The following DGKB variants were observed in gnomAD, a reference collection of about 807,000 sequenced individuals.
The protein encoded by DGKB is diacylglycerol kinase beta.
Under a neutral mutation model 114.3 loss-of-function variants are expected in DGKB, and 67 were observed. That is an observed-to-expected ratio of 0.59 (90% CI 0.48 to 0.72). The LOEUF is 0.72. DGKB is among the 30% of genes least tolerant of loss of function. The pLI is 0.00. For missense variants in DGKB, 907 were observed against 975.2 expected, an observed-to-expected ratio of 0.93 and a Z score of 0.93; for synonymous variants, 398 against 323.1, an observed-to-expected ratio of 1.23 and a Z score of -2.49.
chr7:14,464,952 T>C (rs1833608075), intron 21 of DGKB, among the ~76,000 whole-genome samples: 1 of 152,158 alleles, frequency 6.6e-6, no homozygotes, highest in Admixed American at 6.5e-5. Flanking sequence ...CTCTTGCCTT[T>C]AAGGGTGGCT....
Position 14,281,724 on chromosome 7 carries a change from A to T in DGKB, c.2122+56791T>A, listed in dbSNP as rs1301136298. ...TAAGAATCTCACTCAAAACCGCTCA[A>T]CTACATGGAAACTAAACAACCTGCT... On this transcript the variant is annotated intron_variant, in intron 23 of 25. Coordinates refer to ENST00000402815, the MANE Select transcript of DGKB (RefSeq NM_001350709.2). Among the ~76,000 whole-genome samples the T allele has an allele frequency of 5.3e-5, 8 of 152,242 alleles. No individual in the cohort carries two copies. In the South Asian group the frequency reaches 1.7e-3, roughly 32 times the overall value.
At chr7:14,689,510 C>T (rs760750180) in intron 9 of DGKB, among the ~76,000 whole-genome samples, 2 of 152,066 alleles carry the variant, frequency 1.3e-5, no homozygotes, top group Non-Finnish European at 2.9e-5. Flanking sequence ...CTCTATTAGG[C>T]CTGGGCAAAG....
intron 23 of DGKB, among the ~76,000 whole-genome samples, chr7:14,200,257 G>A (rs1181727850): frequency 6.6e-6 from 1 of 151,968 alleles, no homozygotes; most frequent in Non-Finnish European, 1.5e-5. Context: ...CCTATACTAT[G>A]AGGCAGCAAT....
chr7:14,318,318 G>A (rs1425409225), intron 23 of DGKB, among the ~76,000 whole-genome samples: 1 of 150,890 alleles, frequency 6.6e-6, no homozygotes, highest in Admixed American at 6.6e-5. Flanking sequence ...CTTCTGCACA[G>A]CAAAAGAAAC....
intron 13 of DGKB, among the ~76,000 whole-genome samples, chr7:14,665,970 T>A (rs998864016): frequency 1.6e-4 from 25 of 151,980 alleles, no homozygotes; most frequent in African/African-American, 5.8e-4. Flanking sequence ...ATTTCAAAAG[T>A]ATGGACTTAA....
At chr7:14,263,453 T>A (rs1797051619) in intron 23 of DGKB, among the ~76,000 whole-genome samples, 1 of 152,220 alleles carries the variant, frequency 6.6e-6, no homozygotes, top group Admixed American at 6.5e-5. Flanking sequence ...AGCCAACTTT[T>A]AGATTGCTAT....
chr7:14,936,378 C>T (rs17313043), intron 1 of DGKB, among the ~76,000 whole-genome samples: 3,563 of 152,204 alleles, frequency 0.023, 66 homozygotes, highest in South Asian at 0.049. Context: ...ATGGGAGGTA[C>T]ATAATTTCCT....
intron 1 of DGKB, among the ~76,000 whole-genome samples, chr7:14,950,884 G>C (rs992685515): frequency 1.2e-4 from 18 of 151,648 alleles, no homozygotes; most frequent in Non-Finnish European, 2.4e-4. Flanking sequence ...ACAGAAAGTT[G>C]ATTATACACC....
At chr7:14,423,558 T>C (rs1221373172) in intron 21 of DGKB, among the ~76,000 whole-genome samples, 1 of 152,096 alleles carries the variant, frequency 6.6e-6, no homozygotes, top group East Asian at 1.9e-4. Flanking sequence ...AATTACTGAT[T>C]AGTAGTTCAT....
chr7:14,585,749 C>T (rs188923169), intron 17 of DGKB, among the ~76,000 whole-genome samples: 163 of 152,268 alleles, frequency 1.1e-3, no homozygotes, highest in African/African-American at 3.9e-3. Flanking sequence ...CACATGCTCA[C>T]TTGGTGTCTG....
intron 21 of DGKB, among the ~76,000 whole-genome samples, chr7:14,350,756 A>G (rs1277365625): frequency 6.6e-6 from 1 of 151,762 alleles, no homozygotes; most frequent in African/African-American, 2.4e-5. Flanking sequence ...GATTTGACCT[A>G]TATTGTATGG....
chr7:14,461,282 T>A (rs987235535), intron 21 of DGKB, among the ~76,000 whole-genome samples: 1 of 147,810 alleles, frequency 6.8e-6, no homozygotes, highest in Non-Finnish European at 1.5e-5. Context: ...GAGACACACA[T>A]ACACAAAAAC....
intron 1 of DGKB, among the ~76,000 whole-genome samples, chr7:14,845,444 C>A (rs886546711): frequency 1.3e-5 from 2 of 152,162 alleles, no homozygotes; most frequent in South Asian, 4.1e-4. Context: ...TGGAATTTCA[C>A]AAAAAGGACA....
At chr7:14,684,180 G>A (rs1585631681) in intron 10 of DGKB, among the ~76,000 whole-genome samples, 1 of 151,978 alleles carries the variant, frequency 6.6e-6, no homozygotes, top group Non-Finnish European at 1.5e-5. Context: ...ATGCATATGT[G>A]GCATTAAAAC....
chr7:14,351,736 A>C (rs1813473920), intron 21 of DGKB, among the ~76,000 whole-genome samples: 1 of 152,202 alleles, frequency 6.6e-6, no homozygotes, highest in Admixed American at 6.6e-5. Context: ...ATAAAAAGTT[A>C]GGTATTTGCT....
intron 2 of DGKB, among the ~76,000 whole-genome samples, chr7:14,763,427 CAAT>C (rs765667673): frequency 6.6e-6 from 1 of 152,052 alleles, no homozygotes; most frequent in Non-Finnish European, 1.5e-5. Context: ...TTAAAATTCA[CAAT>C]AATGTTAACA....
intron 1 of DGKB, among the ~76,000 whole-genome samples, chr7:14,885,393 T>C (rs1003855317): frequency 6.6e-6 from 1 of 151,702 alleles, no homozygotes; most frequent in Non-Finnish European, 1.5e-5. Context: ...CCTGGAGTTG[T>C]GGATGAAGAA....
At chr7:14,800,213 G>T (rs1373592763) in intron 2 of DGKB, among the ~76,000 whole-genome samples, 1 of 152,222 alleles carries the variant, frequency 6.6e-6, no homozygotes, top group Admixed American at 6.5e-5. Context: ...ACCGCGCTCG[G>T]TCTAGTCTCC....
chr7:14,681,607 T>C (rs1030136442), intron 12 of DGKB, among the ~76,000 whole-genome samples: 2 of 152,084 alleles, frequency 1.3e-5, no homozygotes, highest in Non-Finnish European at 2.9e-5. Flanking sequence ...ACTTTAGTCC[T>C]GTAACACGAA....
Sources: allele counts gnomAD v4.1 joint callset (sites outside exome capture counted in the v4.1 genomes callset), GRCh38; gene constraint gnomAD v4.1.1; transcripts MANE v1.5; gene names NCBI Gene and HGNC (gene_info 2026-07-23, HGNC 2026-07-21).